Variants in MYL10 observed in about 807,000 individuals in gnomAD.
MYL10 encodes the protein myosin light chain 10, also known as myosin regulatory light chain 10.
In MYL10, 18 loss-of-function variants were observed where a neutral mutation model predicts 21.9. The observed-to-expected ratio is 0.82, with a 90% confidence interval of 0.57 to 1.22. MYL10 has a LOEUF of 1.22. Ranked by LOEUF, MYL10 falls within the 50% of genes most tolerant of loss-of-function variation. MYL10 has a pLI of 0.00. For synonymous variants in MYL10, 88 were observed against 82.8 expected (o/e 1.06, Z -0.34); for missense variants, 225 against 230.4 (o/e 0.98, Z 0.15).
chr7:101,624,974 A>G (rs746127985), intron 1 of MYL10, among the ~76,000 whole-genome samples: 1 of 151,632 alleles, frequency 6.6e-6, no homozygotes, highest in Non-Finnish European at 1.5e-5. Flanking sequence ...CCCCTACAGC[A>G]TGTATCACAC....
rs1796698183 is a variant in MYL10 at position 101,622,946 on chromosome 7, CTCTG to C, written c.349+47_349+50del. 10 of 1,574,160 alleles carry C rather than the reference CTCTG, an allele frequency of 6.4e-6. No individual in the cohort carries two copies. The South Asian group carries it at 1.0e-4, about 16-fold the overall frequency. Reference sequence around the variant, plus strand: ...CTGCCCTGCTGGCCCCAACCGCCCACTCTGTCTGGCTGGCCTGGCCCTAATCTCC... The same window carrying C: ...CTGCCCTGCTGGCCCCAACCGCCCACTCTGGCTGGCCTGGCCCTAATCTCC... On this transcript the variant is annotated intron_variant, in intron 4 of 7. Transcript: ENST00000223167.
chr7:101,625,111 G>C (rs1359643287), intron 1 of MYL10, among the ~76,000 whole-genome samples: 1 of 152,234 alleles, frequency 6.6e-6, no homozygotes, highest in Non-Finnish European at 1.5e-5. Context: ...GGATCAGCCA[G>C]TGCTTGGAAA....
Position 101,613,672 on chromosome 7 carries a change from C to G in MYL10, c.572G>C (p.Ser191Thr). 1 of 1,614,224 alleles carries G rather than the reference C, an allele frequency of 6.2e-7. No individual in the cohort carries two copies. Among genetic ancestry groups the G allele is most frequent in the South Asian group, 1.1e-5 (1 of 91,086 alleles). Residue 191 changes from serine to threonine, a missense_variant, in exon 7 of 8, where the codon AGT becomes ACT. Ser to Thr is a moderately conservative substitution (Grantham distance 58). Coordinates refer to ENST00000223167, the MANE Select transcript of MYL10 (RefSeq NM_138403.5). ...AGAATCCCAGTTTACCTCCTCCTCA[C>G]TGAAGCGGTCTGCCTGGGTCATAAG... is the stretch of plus-strand genomic sequence containing the variant. Reference protein sequence around the residue: ...EKLMTQADRFSEEEVKQMFAA... With the variant: ...EKLMTQADRFTEEEVKQMFAA...
chr7:101,623,118 C>T (rs577394785), intron 3 of MYL10, 46 bp from the exon 4 acceptor site: 31 of 1,567,532 alleles, frequency 2.0e-5, no homozygotes, highest in Non-Finnish European at 2.6e-5. Context: ...CTTCCAAGCC[C>T]GGCCACCTCC....
At chr7:101,626,270 C>T (rs886155941) in intron 1 of MYL10, among the ~76,000 whole-genome samples, 3 of 152,204 alleles carry the variant, frequency 2.0e-5, no homozygotes, top group Admixed American at 6.5e-5. Flanking sequence ...TAGACACCTA[C>T]GGACCTCCAG....
At chr7:101,624,340 G>T in intron 1 of MYL10, 76 bp from the exon 2 acceptor site, 1 of 1,083,480 alleles carries the variant, frequency 9.2e-7, no homozygotes, top group Non-Finnish European at 1.4e-6. Flanking sequence ...TCACCTCCCA[G>T]GGCATCACGG....
At position 101,613,781 on chromosome 7, in the gene MYL10, T is replaced by C; in HGVS notation, c.534-71A>G. Reference sequence around the variant, plus strand: ...AGCTTGAACATGCAGATCCCAGGGGTGATGAGGGGCAAGTGGGGGCAGGGG... The same window carrying C: ...AGCTTGAACATGCAGATCCCAGGGGCGATGAGGGGCAAGTGGGGGCAGGGG... On this transcript the variant is annotated intron_variant, in intron 6 of 7. Transcript: ENST00000223167. 6 of 1,476,836 alleles carry C rather than the reference T, an allele frequency of 4.1e-6. No homozygotes were observed. The South Asian group carries it at 5.7e-5, about 14-fold the overall frequency. The allele number at this position is 1,476,836 out of a possible 1,614,324, so 91.5% of individuals were successfully genotyped here.
chr7:101,614,189 C>G (rs1481435735), intron 6 of MYL10, among the ~76,000 whole-genome samples: 4 of 152,138 alleles, frequency 2.6e-5, no homozygotes, highest in Non-Finnish European at 5.9e-5. Flanking sequence ...CCTGGGCCTG[C>G]AAGGGCCTGC....
Position 101,624,150 on chromosome 7 carries a change from C to A in MYL10, c.171+22G>T, listed in dbSNP as rs201621714. On this transcript the variant is annotated intron_variant, in intron 2 of 7. Transcript: ENST00000223167. ...TGCATTCCAAGAATCCTCATAACAGCCCCATGGGGCAGCAGACCAACCTCT... is the reference window on the plus strand; with the variant it reads ...TGCATTCCAAGAATCCTCATAACAGACCCATGGGGCAGCAGACCAACCTCT... 3.2e-5 allele frequency: 47 copies of A among 1,483,782 alleles called. No homozygotes were observed. In the East Asian group the frequency reaches 1.1e-3, roughly 34 times the overall value. The allele number at this position is 1,483,782 out of a possible 1,614,324, so 91.9% of individuals were successfully genotyped here.
At chr7:101,623,160 C>T in intron 3 of MYL10, 88 bp from the exon 4 acceptor site, 1 of 1,267,620 alleles carries the variant, frequency 7.9e-7, no homozygotes, top group Non-Finnish European at 1.1e-6. Flanking sequence ...GACTGCTGCC[C>T]AAGGAGCCTC....
intron 3 of MYL10, 30 bp downstream of exon 3, chr7:101,623,890 A>G (rs985917116): frequency 3.4e-6 from 1 of 291,288 alleles, no homozygotes; most frequent in South Asian, 3.7e-5. Context: ...TTAGCTGGGC[A>G]TGGTGGTGCG....
chr7:101,623,004 G>A lies in MYL10; in HGVS notation c.342C>T (p.Ala114=), dbSNP rs779790495. ...IDKEDLRDTF[A]ALGRINVKNE... is the part of the protein sequence containing the mutation. ...GGCTGCTGGCTCACCCACCCAGCGC[G>A]GCAAAGGTGTCCCTCAAGTCCTCTT... Residue 114 remains alanine, a synonymous_variant, in exon 4 of 8, where the codon GCC becomes GCT. Coordinates refer to ENST00000223167, the MANE Select transcript of MYL10 (RefSeq NM_138403.5). 4.0e-5 allele frequency: 64 copies of A among 1,613,832 alleles called. No homozygotes were observed. Among genetic ancestry groups the A allele is most frequent in the Admixed American group, 3.2e-4 (19 of 59,998 alleles).
chr7:101,624,628 T>C (rs1183473487), intron 1 of MYL10, among the ~76,000 whole-genome samples: 2 of 152,164 alleles, frequency 1.3e-5, no homozygotes, highest in Non-Finnish European at 2.9e-5. Flanking sequence ...AATCTGACCT[T>C]ATCGCCAGCT....
chr7:101,619,077 TCCA>T (rs1796645116), intron 5 of MYL10, among the ~76,000 whole-genome samples: 1 of 151,836 alleles, frequency 6.6e-6, no homozygotes, highest in Non-Finnish European at 1.5e-5. Flanking sequence ...CCCTGGGCCG[TCCA>T]CCCTGGCAGA....
chr7:101,618,934 C>T (rs1021050698), intron 5 of MYL10, among the ~76,000 whole-genome samples: 2 of 152,210 alleles, frequency 1.3e-5, no homozygotes, highest in African/African-American at 2.4e-5. Flanking sequence ...CCACTGTGAG[C>T]TGACAGAGTC....
At chr7:101,619,993 A>T (rs1796658171) in intron 5 of MYL10, among the ~76,000 whole-genome samples, 2 of 151,976 alleles carry the variant, frequency 1.3e-5, no homozygotes, top group African/African-American at 2.4e-5. Flanking sequence ...AGATGCAGAG[A>T]TCATCTTAGA....
intron 5 of MYL10, 43 bp downstream of exon 5, chr7:101,622,053 C>G: frequency 6.8e-7 from 1 of 1,478,930 alleles, no homozygotes. Context: ...CGTCCCCCTG[C>G]CATTCCCTGC....
At chr7:101,627,770 G>A (rs954037603) in intron 1 of MYL10, among the ~76,000 whole-genome samples, 1 of 152,236 alleles carries the variant, frequency 6.6e-6, no homozygotes, top group African/African-American at 2.4e-5. Flanking sequence ...CAAGACCCAG[G>A]AAGGGGCATT....
At chr7:101,625,621 G>T (rs990599388) in intron 1 of MYL10, among the ~76,000 whole-genome samples, 3 of 152,046 alleles carry the variant, frequency 2.0e-5, no homozygotes, top group African/African-American at 7.2e-5. Context: ...AGGGGCAGAA[G>T]CGCCGGCTGA....
Sources: allele counts gnomAD v4.1 joint callset (sites outside exome capture counted in the v4.1 genomes callset), GRCh38; gene constraint gnomAD v4.1.1; transcripts MANE v1.5; gene names NCBI Gene and HGNC (gene_info 2026-07-23, HGNC 2026-07-21).